The following ANKRD11 variants were observed in gnomAD, a reference collection of about 807,000 sequenced individuals.
The protein encoded by ANKRD11 is ankyrin repeat domain-containing protein 11.
Under a neutral mutation model 195.7 loss-of-function variants are expected in ANKRD11, and 17 were observed. The ratio of observed to expected loss-of-function variants is 0.09; its 90% CI spans 0.06 to 0.13. ANKRD11 has a LOEUF of 0.13. Among genes scored for constraint, ANKRD11 ranks in the 10% least tolerant of loss-of-function variants. The pLI is 1.00. For missense variants in ANKRD11, 3,735 were observed against 3,566.1 expected (o/e 1.05, Z -1.21); for synonymous variants, 1,953 against 1,528.1 (o/e 1.28, Z -6.49).
rs576663007 is a variant in ANKRD11, at chr16:89,440,377, G to T, written c.-144-22009C>A. Among the ~76,000 whole-genome samples, 3 of 152,308 alleles carry T rather than the reference G, an allele frequency of 2.0e-5. No individual in the cohort carries two copies. The South Asian group carries it at 6.2e-4, about 32-fold the overall frequency. On this transcript the variant is annotated intron_variant, in intron 1 of 12. Coordinates refer to ENST00000301030, the MANE Select transcript of ANKRD11 (RefSeq NM_013275.6). ...AATCCCAGAACTCTGGAAGGCTGAG[G>T]GGGGAGGATCACATGAGGCCAGAAG...
chr16:89,402,835 G>A lies in ANKRD11; in HGVS notation c.-60+15449C>T, dbSNP rs112279994. Among the ~76,000 whole-genome samples the A allele has an allele frequency of 1.1e-4, 16 of 150,522 alleles. No homozygotes were observed. In the South Asian group the frequency reaches 1.9e-3, roughly 18 times the overall value. ...AATGAGGTTGGGGGGGCGGCACTGCGGGAGGAGGTGGGCGGGGTGGGGCCT... is the reference window on the plus strand; with the variant it reads ...AATGAGGTTGGGGGGGCGGCACTGCAGGAGGAGGTGGGCGGGGTGGGGCCT... On this transcript the variant is annotated intron_variant, in intron 2 of 12. Transcript: ENST00000301030.
intron 2 of ANKRD11, among the ~76,000 whole-genome samples, chr16:89,417,642 T>G (rs937614950): frequency 2.6e-5 from 4 of 152,194 alleles, no homozygotes; most frequent in Admixed American, 2.0e-4. Flanking sequence ...AAAGCCAGAA[T>G]AGCCATCTAG....
intron 2 of ANKRD11, among the ~76,000 whole-genome samples, chr16:89,385,776 G>A (rs1356648195): frequency 1.3e-5 from 2 of 152,252 alleles, no homozygotes; most frequent in African/African-American, 4.8e-5. Flanking sequence ...GAGTGGCAGT[G>A]AGACCGTGCC....
intron 1 of ANKRD11, among the ~76,000 whole-genome samples, chr16:89,425,278 C>T (rs2042671561): frequency 6.6e-6 from 1 of 152,062 alleles, no homozygotes; most frequent in Non-Finnish European, 1.5e-5. Flanking sequence ...AATGGTGGGG[C>T]CAAGACCTGA....
intron 12 of ANKRD11, 94 bp downstream of exon 12, chr16:89,270,722 TC>T: frequency 5.7e-6 from 7 of 1,228,674 alleles, no homozygotes; most frequent in South Asian, 2.5e-5. Flanking sequence ...GGCAGCGGCC[TC>T]CCCCCAGGCA....
At chr16:89,416,071 A>T (rs1348475261) in intron 2 of ANKRD11, among the ~76,000 whole-genome samples, 3 of 152,082 alleles carry the variant, frequency 2.0e-5, no homozygotes, top group African/African-American at 7.2e-5. Flanking sequence ...ATCAATACTG[A>T]GGATCTATAG....
chr16:89,472,235 G>A (rs1029226279), intron 1 of ANKRD11, among the ~76,000 whole-genome samples: 4 of 152,182 alleles, frequency 2.6e-5, no homozygotes, highest in African/African-American at 9.7e-5. Flanking sequence ...AAAAGTGAGA[G>A]GCAAATGGGG....
chr16:89,463,263 C>G (rs1198390499), intron 1 of ANKRD11, among the ~76,000 whole-genome samples: 2 of 152,236 alleles, frequency 1.3e-5, no homozygotes, highest in South Asian at 4.1e-4. Context: ...ATTGAGAAAT[C>G]GGATGGTTGC....
intron 2 of ANKRD11, among the ~76,000 whole-genome samples, chr16:89,417,194 C>T (rs541246850): frequency 2.0e-5 from 3 of 152,110 alleles, no homozygotes; most frequent in Non-Finnish European, 4.4e-5. Flanking sequence ...TGACTCCAGG[C>T]GACTGAGATA....
At chr16:89,460,973 C>G (rs1436319950) in intron 1 of ANKRD11, among the ~76,000 whole-genome samples, 10 of 108,266 alleles carry the variant, frequency 9.2e-5, no homozygotes, top group Non-Finnish European at 5.6e-5. Flanking sequence ...CGTATGACCC[C>G]CCCCCCCAAC....
Position 89,285,765 on chromosome 16 carries a change from CAG to C in ANKRD11, c.893-118_893-117del. 2.4e-6 allele frequency: 3 copies of C among 1,234,652 alleles called. No individual in the cohort carries two copies. The highest frequency in any genetic ancestry group is 1.2e-5 in the South Asian group (1 of 80,156). The allele number at this position is 1,234,652 out of a possible 1,614,324, so 76.5% of individuals were successfully genotyped here. On this transcript the variant is annotated intron_variant, in intron 8 of 12. Coordinates refer to ENST00000301030, the MANE Select transcript of ANKRD11 (RefSeq NM_013275.6). The surrounding 1 kb of genome is among the most constrained non-coding windows in gnomAD (Gnocchi z 5.6). ...CGGGAAGGTTCCCACCCTGCCTCTG[CAG>C]AGACACTTTGCTCGACTCATGGAAA...
At position 89,331,250 on chromosome 16, in the gene ANKRD11, G is replaced by A. The variant is rs141851716; in HGVS notation, c.-59-14172C>T. Among the ~76,000 whole-genome samples the A allele has an allele frequency of 2.6e-4, 40 of 152,260 alleles. No homozygotes were observed. In the East Asian group the frequency reaches 5.4e-3, roughly 21 times the overall value. On this transcript the variant is annotated intron_variant, in intron 2 of 12. Transcript: ENST00000301030. ...ATTACAGGCATGAGCCACTGCGCCC[G>A]GCCTGATGAAATACATTCTTAATAT... is the stretch of plus-strand genomic sequence containing the variant.
rs1176007971 is a variant in ANKRD11, at chr16:89,433,541, C to G, written c.-144-15173G>C. On this transcript the variant is annotated intron_variant, in intron 1 of 12. Transcript: ENST00000301030. ...CTAAAAGGCCTCCCTAAAGGAGCAG[C>G]AGGAGCGCAACAGAGAAGAACAGGG... is the stretch of plus-strand genomic sequence containing the variant. Among the ~76,000 whole-genome samples the G allele has an allele frequency of 3.9e-5, 6 of 152,242 alleles. No homozygotes were observed. In the South Asian group the frequency reaches 8.3e-4, roughly 21 times the overall value.
chr16:89,442,311 A>G (rs1211279347), intron 1 of ANKRD11, among the ~76,000 whole-genome samples: 1 of 152,192 alleles, frequency 6.6e-6, no homozygotes, highest in Non-Finnish European at 1.5e-5. Context: ...CTCTCAAAAC[A>G]TAATTAGAAA....
At chr16:89,483,829 AG>A (rs1018625180) in intron 1 of ANKRD11, among the ~76,000 whole-genome samples, 1 of 152,078 alleles carries the variant, frequency 6.6e-6, no homozygotes, top group African/African-American at 2.4e-5. Flanking sequence ...AAAAAAAAAA[AG>A]AAAGAAAATG....
Position 89,286,257 on chromosome 16 carries a change from G to A in ANKRD11, c.745-71C>T, listed in dbSNP as rs760414392. On this transcript the variant is annotated intron_variant, in intron 7 of 12. Coordinates refer to ENST00000301030, the MANE Select transcript of ANKRD11 (RefSeq NM_013275.6). ...ACTCCTCTACCGTTCCGCATAACAC[G>A]GCAGCCCCTTCCGAGAACCCTGGGG... 22 of 1,593,014 alleles carry A rather than the reference G, an allele frequency of 1.4e-5. No individual in the cohort carries two copies. In the Middle Eastern group the frequency reaches 8.1e-4, roughly 59 times the overall value.
At chr16:89,450,061 T>C (rs1183467617) in intron 1 of ANKRD11, among the ~76,000 whole-genome samples, 1 of 152,158 alleles carries the variant, frequency 6.6e-6, no homozygotes, top group East Asian at 1.9e-4. Context: ...AGAGACCCAG[T>C]GACTTCAGGA....
chr16:89,268,726 G>A (rs1005651026), intron 12 of ANKRD11, 63 bp from the exon 13 acceptor site: 10 of 1,529,482 alleles, frequency 6.5e-6, no homozygotes, highest in African/African-American at 1.4e-5. Flanking sequence ...AGACTCTGCC[G>A]ACCTCAGCTG....
At chr16:89,487,299 A>G (rs4785568) in intron 1 of ANKRD11, among the ~76,000 whole-genome samples, 79,185 of 151,988 alleles carry the variant, frequency 0.52, 20,760 homozygotes, top group Middle Eastern at 0.67. Flanking sequence ...AGTTACACAG[A>G]GTAATGGACA....
Sources: gnomAD v4.1 joint callset for allele counts (sites outside exome capture counted in the v4.1 genomes callset) on GRCh38, gnomAD v4.1.1 for gene constraint, Gnocchi (gnomAD v3.1) non-coding constraint, MANE v1.5 for transcripts, NCBI Gene and HGNC (gene_info 2026-07-23, HGNC 2026-07-21) for gene names.